CTTNBP2: variants seen among roughly 807,000 people sequenced by gnomAD.
CTTNBP2 encodes cortactin-binding protein 2.
CTTNBP2 carries 108 observed loss-of-function variants against 156.9 expected under a neutral mutation model. The ratio of observed to expected loss-of-function variants is 0.69; its 90% CI spans 0.59 to 0.81. The LOEUF (loss-of-function observed/expected upper bound fraction) is 0.81, where lower values mean the gene tolerates loss of function less well. CTTNBP2 is among the 30% of genes least tolerant of loss of function. The pLI is 0.00. For missense variants in CTTNBP2, 1,924 were observed against 2,035.4 expected, an observed-to-expected ratio of 0.95 and a Z score of 1.05; for synonymous variants, 767 against 751.8, an observed-to-expected ratio of 1.02 and a Z score of -0.33.
At chr7:117,767,228 T>C (rs1400247525) in intron 8 of CTTNBP2, 52 bp from the exon 9 acceptor site, 4 of 1,007,264 alleles carry the variant, frequency 4.0e-6, no homozygotes, top group East Asian at 2.4e-5. Context: ...TTAACTTGAA[T>C]GCAAAACCCA....
chr7:117,847,819 CTTT>C (rs201419286), intron 2 of CTTNBP2, among the ~76,000 whole-genome samples: 11 of 91,350 alleles, frequency 1.2e-4, no homozygotes, highest in Non-Finnish European at 1.7e-4. Flanking sequence ...TTTGCCTAAC[CTTT>C]TTTTTTTTTT....
intron 16 of CTTNBP2, among the ~76,000 whole-genome samples, chr7:117,730,825 T>C (rs1795358943): frequency 6.6e-6 from 1 of 151,892 alleles, no homozygotes; most frequent in Non-Finnish European, 1.5e-5. Context: ...TTCGGGGGGA[T>C]GGGGACAGGG....
intron 14 of CTTNBP2, among the ~76,000 whole-genome samples, chr7:117,742,419 T>C (rs1311752065): frequency 6.6e-6 from 1 of 152,028 alleles, no homozygotes; most frequent in Non-Finnish European, 1.5e-5. Flanking sequence ...GCAGATTGGG[T>C]GGATGAATGC....
Position 117,810,979 on chromosome 7 carries a change from T to A in CTTNBP2, c.200A>T (p.Lys67Met). The A allele has an allele frequency of 2.5e-6, 4 of 1,612,346 alleles. No homozygotes were observed. Among genetic ancestry groups the A allele is most frequent in the Non-Finnish European group, 3.4e-6 (4 of 1,178,770 alleles). The change falls in exon 3 of 23, where the codon AAG becomes ATG. Residue 67 changes from lysine to methionine, a missense_variant. Transcript: ENST00000160373. The part of the protein sequence containing the change: ...LVIEALRARR[K>M]EVFIQERYGR... ...ATACCGTTCCTGGATAAATACCTCC[T>A]TCCTGCGAGCCTGGAACAAAATTAG...
chr7:117,785,415 C>T (rs776544247), intron 4 of CTTNBP2, among the ~76,000 whole-genome samples: 19 of 152,156 alleles, frequency 1.2e-4, no homozygotes, highest in Admixed American at 8.5e-4. Context: ...GACTTAAATA[C>T]AGTGAATTTT....
chr7:117,763,555 CTTTTTTTTTT>C (rs767309488), intron 9 of CTTNBP2, among the ~76,000 whole-genome samples: 3 of 103,450 alleles, frequency 2.9e-5, no homozygotes, highest in African/African-American at 7.6e-5. Flanking sequence ...TCTTCTTCTT[CTTTTTTTTTT>C]TTTTTTTTTT....
intron 2 of CTTNBP2, among the ~76,000 whole-genome samples, chr7:117,817,705 T>C (rs1800702338): frequency 6.6e-6 from 1 of 152,074 alleles, no homozygotes; most frequent in South Asian, 2.1e-4. Context: ...CTTTTCATTT[T>C]ATGAAAAGCC....
intron 17 of CTTNBP2, among the ~76,000 whole-genome samples, chr7:117,727,178 T>C (rs184160273): frequency 5.3e-5 from 8 of 152,326 alleles, no homozygotes; most frequent in African/African-American, 1.7e-4. Flanking sequence ...GTGGTTTGTC[T>C]TACAATAGAG....
chr7:117,791,730 C>T lies in CTTNBP2; in HGVS notation c.1466G>A (p.Arg489Gln), dbSNP rs766605004. Residue 489 changes from arginine to glutamine, a missense_variant, in exon 4 of 23, where the codon CGG (arginine) becomes CAG (glutamine). Transcript: ENST00000160373. ...TGACAGTGCTTGGGTCACAGTATTCCGAGCTAGTTGTTTGGCCACTAGGTT... is the reference window on the plus strand; with the variant it reads ...TGACAGTGCTTGGGTCACAGTATTCTGAGCTAGTTGTTTGGCCACTAGGTT... ...RDNLVAKQLA[R>Q]NTVTQALSRF... 5.0e-6 allele frequency: 8 copies of T among 1,614,146 alleles called. No homozygotes were observed. The highest frequency in any genetic ancestry group is 3.3e-4 in the Middle Eastern group (2 of 6,062).
At chr7:117,728,004 A>G in intron 17 of CTTNBP2, 85 bp downstream of exon 17, 1 of 1,241,406 alleles carries the variant, frequency 8.1e-7, no homozygotes. Context: ...GGCACAAGGC[A>G]GCCTGGTCAG....
chr7:117,758,749 A>G (rs1022514413), intron 10 of CTTNBP2, among the ~76,000 whole-genome samples: 1 of 152,232 alleles, frequency 6.6e-6, no homozygotes, highest in Non-Finnish European at 1.5e-5. Context: ...AAGTGGTTAC[A>G]GCGAGGCACT....
intron 22 of CTTNBP2, among the ~76,000 whole-genome samples, chr7:117,714,461 G>A (rs566630200): frequency 6.6e-6 from 1 of 152,296 alleles, no homozygotes; most frequent in South Asian, 2.1e-4. Context: ...TTGCTATACA[G>A]AATCTGGTGG....
At chr7:117,828,595 T>C (rs748979409) in intron 2 of CTTNBP2, among the ~76,000 whole-genome samples, 30 of 152,214 alleles carry the variant, frequency 2.0e-4, no homozygotes, top group Non-Finnish European at 3.4e-4. Flanking sequence ...CCATCAAGTG[T>C]AGTGCATAGG....
At chr7:117,832,596 T>C (rs1801677302) in intron 2 of CTTNBP2, among the ~76,000 whole-genome samples, 1 of 152,116 alleles carries the variant, frequency 6.6e-6, no homozygotes. Context: ...TTGTATTAAC[T>C]ATATTTTTGT....
At chr7:117,831,283 C>T in intron 2 of CTTNBP2, among the ~76,000 whole-genome samples, 1 of 152,102 alleles carries the variant, frequency 6.6e-6, no homozygotes. Context: ...CATGACTACA[C>T]AAAGATCTCA....
chr7:117,729,066 C>G (rs1028931842), intron 16 of CTTNBP2, among the ~76,000 whole-genome samples: 1 of 152,208 alleles, frequency 6.6e-6, no homozygotes, highest in East Asian at 1.9e-4. Flanking sequence ...GAGGGTAGAG[C>G]TCTCATTGTA....
At chr7:117,785,386 T>C (rs994363650) in intron 4 of CTTNBP2, among the ~76,000 whole-genome samples, 1 of 152,208 alleles carries the variant, frequency 6.6e-6, no homozygotes, top group African/African-American at 2.4e-5. Flanking sequence ...ATGTGACATA[T>C]AGATATTTGT....
intron 8 of CTTNBP2, among the ~76,000 whole-genome samples, chr7:117,776,014 C>T (rs1045985932): frequency 3.3e-5 from 5 of 152,184 alleles, no homozygotes; most frequent in East Asian, 1.9e-4. Context: ...GCTAAGATCA[C>T]GATAACAGGA....
intron 2 of CTTNBP2, among the ~76,000 whole-genome samples, chr7:117,832,695 G>T (rs936814670): frequency 6.9e-6 from 1 of 145,806 alleles, no homozygotes; most frequent in Non-Finnish European, 1.5e-5. Flanking sequence ...CTTAGAGACA[G>T]CAAATGACTA....
Sources: gnomAD v4.1 joint callset for allele counts (sites outside exome capture counted in the v4.1 genomes callset) on GRCh38, gnomAD v4.1.1 for gene constraint, MANE v1.5 for transcripts, NCBI Gene and HGNC (gene_info 2026-07-23, HGNC 2026-07-21) for gene names.